The following APCDD1 variants were observed in gnomAD, a reference collection of about 807,000 sequenced individuals.
The protein encoded by APCDD1 is protein APCDD1.
Under a neutral mutation model 38.1 loss-of-function variants are expected in APCDD1, and 15 were observed. The ratio of observed to expected loss-of-function variants is 0.39; its 90% CI spans 0.26 to 0.61. The LOEUF is 0.61. Ranked by LOEUF, APCDD1 falls within the 20% of genes least tolerant of loss-of-function variation. The probability of loss-of-function intolerance (pLI) is 0.49; values close to 1 mark genes in which losing one functional copy is unlikely to be tolerated. For synonymous variants in APCDD1, 261 were observed against 279.7 expected (o/e 0.93, Z 0.67); for missense variants, 647 against 696.2 (o/e 0.93, Z 0.79).
chr18:10,458,539 A>G (rs2030440933), intron 1 of APCDD1, among the ~76,000 whole-genome samples: 1 of 152,212 alleles, frequency 6.6e-6, no homozygotes, highest in Non-Finnish European at 1.5e-5. Flanking sequence ...CCTGTACCCA[A>G]CAGGGGCAAG....
chr18:10,465,990 T>A (rs533192734), intron 1 of APCDD1, among the ~76,000 whole-genome samples: 3 of 152,158 alleles, frequency 2.0e-5, no homozygotes, highest in Non-Finnish European at 4.4e-5. Context: ...ACTTGCAGGG[T>A]GTAGAGGTTT....
Position 10,471,398 on chromosome 18 carries a change from A to C in APCDD1, c.243-132A>C, listed in dbSNP as rs1272183088. Reference sequence around the variant, plus strand: ...AGGAGTCAATGAGTTGGTATCTATAAAGGGCTGACAACAGAGTCTGGCCCA... The same window carrying C: ...AGGAGTCAATGAGTTGGTATCTATACAGGGCTGACAACAGAGTCTGGCCCA... On this transcript the variant is annotated intron_variant, in intron 2 of 4. Coordinates refer to ENST00000355285, the MANE Select transcript of APCDD1 (RefSeq NM_153000.5). The surrounding 1 kb of genome is among the most constrained non-coding windows in gnomAD (Gnocchi z 5.5). 8.4e-7 allele frequency: 1 copy of C among 1,185,774 alleles called. No homozygotes were observed. The highest frequency in any genetic ancestry group is 1.5e-5 in the African/African-American group (1 of 65,770). 73.5% of individuals were successfully genotyped at this position (1,185,774 alleles called of 1,614,324 possible).
chr18:10,464,311 A>AACACACACACACACACACAC (rs541648834), intron 1 of APCDD1, among the ~76,000 whole-genome samples: 10 of 146,994 alleles, frequency 6.8e-5, no homozygotes, highest in African/African-American at 2.3e-4. Flanking sequence ...CTTCAAAGTA[A>AACACACACACACACACACAC]ACACACACAC....
At chr18:10,460,172 G>A (rs751393664) in intron 1 of APCDD1, among the ~76,000 whole-genome samples, 3 of 152,076 alleles carry the variant, frequency 2.0e-5, no homozygotes, top group Admixed American at 6.5e-5. Context: ...AATATAGATC[G>A]GCAGGTGAAA....
At chr18:10,466,791 C>T (rs915840609) in intron 1 of APCDD1, among the ~76,000 whole-genome samples, 1 of 152,196 alleles carries the variant, frequency 6.6e-6, no homozygotes, top group Admixed American at 6.5e-5. Context: ...GAGTTTGCCC[C>T]ATTCTAGCTC....
intron 3 of APCDD1, among the ~76,000 whole-genome samples, chr18:10,478,602 T>C (rs1179587539): frequency 6.6e-6 from 1 of 152,200 alleles, no homozygotes; most frequent in Non-Finnish European, 1.5e-5. Context: ...AGGCCTCTTT[T>C]ATAAGGGCAC....
chr18:10,487,165 G>A (rs1181373230), intron 4 of APCDD1, among the ~76,000 whole-genome samples: 1 of 152,196 alleles, frequency 6.6e-6, no homozygotes, highest in Non-Finnish European at 1.5e-5. Flanking sequence ...AAAACTTTTA[G>A]AAACCCGAAA....
At position 10,485,345 on chromosome 18, in the gene APCDD1, C is replaced by T. The variant is rs947179328; in HGVS notation, c.775-117C>T. ...CATGATTCCAGTTGGTTCTTGGTGT[C>T]GAGGTTGTCAGTGATGGTGATCTGG... On this transcript the variant is annotated intron_variant, in intron 3 of 4. Coordinates refer to ENST00000355285, the MANE Select transcript of APCDD1 (RefSeq NM_153000.5). This position sits in a 1 kb window ranked among gnomAD's most constrained non-coding sequence, Gnocchi z 5.8. The T allele has an allele frequency of 7.1e-6, 8 of 1,122,656 alleles. No individual in the cohort carries two copies. Among genetic ancestry groups the T allele is most frequent in the African/African-American group, 6.1e-5 (4 of 65,612 alleles). The allele number at this position is 1,122,656 out of a possible 1,614,324, so 69.5% of individuals were successfully genotyped here.
chr18:10,488,194 G>C lies in APCDD1; in HGVS notation c.*156G>C, dbSNP rs1568009265. ...CCCTCCCTCCCAGCCCCTGAGTCATGAACAGCAAGGAGTGTTTGAAGTTTC... is the reference window on the plus strand; with the variant it reads ...CCCTCCCTCCCAGCCCCTGAGTCATCAACAGCAAGGAGTGTTTGAAGTTTC... On this transcript the variant is annotated 3_prime_UTR_variant, in exon 5 of 5. Transcript: ENST00000355285. 1.1e-6 allele frequency: 1 copy of C among 928,172 alleles called. No homozygotes were observed. The highest frequency in any genetic ancestry group is 1.6e-5 in the South Asian group (1 of 62,496). 57.5% of individuals were successfully genotyped at this position (928,172 alleles called of 1,614,324 possible).
Position 10,454,862 on chromosome 18 carries a change from C to T in APCDD1, c.-120C>T. 1.8e-6 allele frequency: 2 copies of T among 1,126,494 alleles called. No individual in the cohort carries two copies. 69.8% of individuals were successfully genotyped at this position (1,126,494 alleles called of 1,614,324 possible). A position where few individuals can be genotyped will look rare whatever the true frequency, so the allele number is the denominator to read the frequency against. ...CCGGGCATGGGGCGCGCGGCAGCCG[C>T]CTGAAGCCCCGGCCTGGCCCGGCCG... is the stretch of plus-strand genomic sequence containing the variant. On this transcript the variant is annotated 5_prime_UTR_variant, in exon 1 of 5. Coordinates refer to ENST00000355285, the MANE Select transcript of APCDD1 (RefSeq NM_153000.5).
At chr18:10,464,775 G>C (rs1244082645) in intron 1 of APCDD1, among the ~76,000 whole-genome samples, 1 of 152,164 alleles carries the variant, frequency 6.6e-6, no homozygotes, top group East Asian at 1.9e-4. Flanking sequence ...TGCAGAGCTT[G>C]GCACTTTGGG....
At chr18:10,486,910 G>A (rs2031260865) in intron 4 of APCDD1, among the ~76,000 whole-genome samples, 1 of 152,160 alleles carries the variant, frequency 6.6e-6, no homozygotes, top group South Asian at 2.1e-4. Context: ...AGGAATACAG[G>A]CCCTTTGAGA....
rs1222498914 is a variant in APCDD1, at chr18:10,487,961, G to A, written c.1468G>A (p.Gly490Arg). Reference sequence around the variant, plus strand: ...AAGCAGCCTGTATGGCCGGGCCCCTGGGAGGCACACCTGGTCCCTGCTGCT... The same window carrying A: ...AAGCAGCCTGTATGGCCGGGCCCCTAGGAGGCACACCTGGTCCCTGCTGCT... ...SGSSLYGRAPGRHTWSLLLAA... is the reference protein window; with the variant it reads ...SGSSLYGRAPRRHTWSLLLAA... Residue 490 changes from glycine to arginine, a missense_variant, in exon 5 of 5, where the codon GGG becomes AGG. By Grantham distance (125) the Gly-to-Arg change is moderately radical. Transcript: ENST00000355285. 6.2e-7 allele frequency: 1 copy of A among 1,613,856 alleles called. No individual in the cohort carries two copies. The highest frequency in any genetic ancestry group is 8.5e-7 in the Non-Finnish European group (1 of 1,180,000).
chr18:10,455,406 C>T (rs181988266), intron 1 of APCDD1, among the ~76,000 whole-genome samples: 102 of 152,372 alleles, frequency 6.7e-4, no homozygotes, highest in African/African-American at 2.4e-3. Context: ...ATGAAATCGC[C>T]GGCTCTGCGA....
rs763105125 is a variant in APCDD1, at chr18:10,487,760, G to A, written c.1267G>A (p.Glu423Lys). 2 of 1,614,036 alleles carry A rather than the reference G, an allele frequency of 1.2e-6. No homozygotes were observed. Among genetic ancestry groups the A allele is most frequent in the East Asian group, 2.2e-5 (1 of 44,890 alleles). Residue 423 changes from glutamate (E) to lysine (K), a missense_variant, in exon 5 of 5, where the codon GAG becomes AAG. Glu to Lys is a moderately conservative substitution (Grantham distance 56). Transcript: ENST00000355285. ...CATCAAACTACCTCACACGGAGTAC[G>A]AGATCTTCAAAATGGAACAGGATGC... ...LGIKLPHTEY[E>K]IFKMEQDARG...
At position 10,472,296 on chromosome 18, in the gene APCDD1, C is replaced by T. The variant is rs1000555032; in HGVS notation, c.774+235C>T. On this transcript the variant is annotated intron_variant, in intron 3 of 4. Coordinates refer to ENST00000355285, the MANE Select transcript of APCDD1 (RefSeq NM_153000.5). The surrounding 1 kb of genome is among the most constrained non-coding windows in gnomAD (Gnocchi z 6.6). ...CAACTTGCTCTGTGACTTGGAACCT[C>T]GGTTATCCTACTGAAGTGGGTGGTG... is the stretch of plus-strand genomic sequence containing the variant. Among the ~76,000 whole-genome samples the T allele has an allele frequency of 6.6e-6, 1 of 152,090 alleles. No individual in the cohort carries two copies. Among genetic ancestry groups the T allele is most frequent in the South Asian group, 2.1e-4 (1 of 4,824 alleles).
intron 3 of APCDD1, among the ~76,000 whole-genome samples, chr18:10,474,633 A>G (rs970405876): frequency 2.6e-5 from 4 of 152,076 alleles, no homozygotes; most frequent in African/African-American, 7.2e-5. Context: ...GTACTGGGGG[A>G]AAAATTAACC....
intron 3 of APCDD1, among the ~76,000 whole-genome samples, chr18:10,479,937 T>C (rs1268077628): frequency 6.6e-6 from 1 of 152,234 alleles, no homozygotes; most frequent in African/African-American, 2.4e-5. Flanking sequence ...TAGAACAAGT[T>C]TAATTTTTTT....
At position 10,471,608 on chromosome 18, in the gene APCDD1, A is replaced by G. The variant is rs2030852608; in HGVS notation, c.321A>G (p.Gln107=). 4 of 1,614,144 alleles carry G rather than the reference A, an allele frequency of 2.5e-6. No individual in the cohort carries two copies. Among genetic ancestry groups the G allele is most frequent in the Non-Finnish European group, 3.4e-6 (4 of 1,180,002 alleles). Residue 107 remains glutamine, a synonymous_variant, in exon 3 of 5, where the codon CAA becomes CAG. Transcript: ENST00000355285. This position sits in a 1 kb window ranked among gnomAD's most constrained non-coding sequence, Gnocchi z 5.5. ...ACAATAACACCTTCAAGGCCTACCA[A>G]TTTTATTATGGCAGCAACCGGTGCA... ...FYHNNTFKAY[Q]FYYGSNRCTN...
Sources: gnomAD v4.1 joint callset for allele counts (sites outside exome capture counted in the v4.1 genomes callset) on GRCh38, gnomAD v4.1.1 for gene constraint, Gnocchi (gnomAD v3.1) non-coding constraint, MANE v1.5 for transcripts, NCBI Gene and HGNC (gene_info 2026-07-23, HGNC 2026-07-21) for gene names.